The following PKHD1 variants were observed in gnomAD, a reference collection of about 807,000 sequenced individuals.
The protein encoded by PKHD1 is PKHD1 ciliary IPT domain containing fibrocystin/polyductin.
PKHD1 carries 291 observed loss-of-function variants against 412.0 expected under a neutral mutation model. The observed-to-expected ratio is 0.71, with a 90% confidence interval of 0.64 to 0.78. PKHD1 has a LOEUF of 0.78. PKHD1 is among the 30% of genes least tolerant of loss of function. The probability of loss-of-function intolerance (pLI) is 0.00; values close to 1 mark genes in which losing one functional copy is unlikely to be tolerated. For missense variants in PKHD1, 4,825 were observed against 4,950.7 expected (o/e 0.97, Z 0.76); for synonymous variants, 1,777 against 1,821.5 (o/e 0.98, Z 0.62).
At chr6:51,691,186 G>T (rs1411648501) in intron 60 of PKHD1, among the ~76,000 whole-genome samples, 1 of 151,652 alleles carries the variant, frequency 6.6e-6, no homozygotes, top group Non-Finnish European at 1.5e-5. Flanking sequence ...GAGAAAAAAG[G>T]AATGCTTATA....
chr6:51,934,097 T>A lies in PKHD1; in HGVS notation c.6121+13A>T. Reference sequence around the variant, plus strand: ...GCTCTACTTCATTTCCTCTGATCAATTGCCTCACTCACCGTGCAGAGAAAG... The same window carrying A: ...GCTCTACTTCATTTCCTCTGATCAAATGCCTCACTCACCGTGCAGAGAAAG... On this transcript the variant is annotated intron_variant, in intron 37 of 66. Transcript: ENST00000371117. 1.3e-6 allele frequency: 2 copies of A among 1,582,704 alleles called. No individual in the cohort carries two copies. The highest frequency in any genetic ancestry group is 1.7e-6 in the Non-Finnish European group (2 of 1,151,276).
intron 49 of PKHD1, among the ~76,000 whole-genome samples, chr6:51,851,883 G>GT (rs377590832): frequency 4.9e-4 from 75 of 151,962 alleles, no homozygotes; most frequent in African/African-American, 1.7e-3. Flanking sequence ...TTTTTGGAGG[G>GT]TTTTTTGTGT....
At chr6:51,994,125 ACT>A (rs1301686371) in intron 35 of PKHD1, among the ~76,000 whole-genome samples, 1 of 145,558 alleles carries the variant, frequency 6.9e-6, no homozygotes, top group Non-Finnish European at 1.5e-5. Flanking sequence ...ACTACAGAAC[ACT>A]TTTTTTCTTT....
intron 43 of PKHD1, among the ~76,000 whole-genome samples, chr6:51,892,968 C>A (rs1372399566): frequency 1.3e-5 from 2 of 152,192 alleles, no homozygotes; most frequent in Admixed American, 6.5e-5. Flanking sequence ...CACGATTACA[C>A]AACACAAACT....
At chr6:51,909,533 A>C in intron 39 of PKHD1, 59 bp from the exon 40 acceptor site, 6 of 1,312,038 alleles carry the variant, frequency 4.6e-6, no homozygotes, top group East Asian at 2.3e-5. Context: ...TTCCAGACAA[A>C]TCTCCCAGTT....
chr6:51,972,890 C>T (rs1398452695), intron 35 of PKHD1, among the ~76,000 whole-genome samples: 1 of 152,206 alleles, frequency 6.6e-6, no homozygotes, highest in African/African-American at 2.4e-5. Context: ...AACAGCAGTC[C>T]AGGCAAAAGA....
At chr6:51,737,996 T>C (rs1784072210) in intron 60 of PKHD1, among the ~76,000 whole-genome samples, 1 of 152,232 alleles carries the variant, frequency 6.6e-6, no homozygotes, top group African/African-American at 2.4e-5. Context: ...ATATACAAAC[T>C]ATAAGCCCCA....
chr6:52,005,221 G>A (rs935907690), intron 35 of PKHD1, among the ~76,000 whole-genome samples: 8 of 152,134 alleles, frequency 5.3e-5, no homozygotes, highest in Non-Finnish European at 1.5e-5. Flanking sequence ...ACCTAGCTGA[G>A]ATGCTTCTAC....
At chr6:51,971,529 G>C (rs1171527871) in intron 35 of PKHD1, among the ~76,000 whole-genome samples, 2 of 152,114 alleles carry the variant, frequency 1.3e-5, no homozygotes, top group Non-Finnish European at 2.9e-5. Context: ...CTTTTGCTCA[G>C]GAAGAATTAT....
intron 46 of PKHD1, among the ~76,000 whole-genome samples, chr6:51,880,960 C>T (rs1188043536): frequency 4.1e-5 from 6 of 146,186 alleles, no homozygotes; most frequent in East Asian, 4.0e-4. Context: ...AGCGAGACTC[C>T]GTCTCAAAAA....
chr6:52,065,294 T>C (rs532030243), intron 12 of PKHD1, among the ~76,000 whole-genome samples: 5 of 150,674 alleles, frequency 3.3e-5, no homozygotes, highest in African/African-American at 1.2e-4. Flanking sequence ...GTGGATGGAA[T>C]AGCGAAAGTT....
At chr6:51,693,645 A>C (rs184914686) in intron 60 of PKHD1, among the ~76,000 whole-genome samples, 1 of 152,310 alleles carries the variant, frequency 6.6e-6, no homozygotes, top group Admixed American at 6.5e-5. Flanking sequence ...AGCGGATGAG[A>C]TTGCCTCCAG....
chr6:51,888,558 C>T (rs1007700624), intron 43 of PKHD1, among the ~76,000 whole-genome samples: 1 of 151,668 alleles, frequency 6.6e-6, no homozygotes, highest in Non-Finnish European at 1.5e-5. Flanking sequence ...TTTCTGAGCC[C>T]AAATTCCTGT....
intron 57 of PKHD1, among the ~76,000 whole-genome samples, chr6:51,750,161 C>A (rs1022651254): frequency 2.0e-5 from 3 of 152,122 alleles, no homozygotes; most frequent in Non-Finnish European, 4.4e-5. Flanking sequence ...GGAACCTATA[C>A]GTCTACTTGG....
intron 35 of PKHD1, among the ~76,000 whole-genome samples, chr6:51,992,539 C>T (rs940554672): frequency 2.0e-5 from 3 of 152,204 alleles, no homozygotes. Context: ...TGGCATGGCT[C>T]TCCCAATTTC....
In PKHD1 at chr6:51,976,698, C is replaced by G. The variant is rs186996921; in HGVS notation, c.5752-16672G>C. Reference sequence around the variant, plus strand: ...GGCACGGTGGCTCACGCCTGTAATCCTAGTACTTTGGGAAGCCAAGGTGGG... The same window carrying G: ...GGCACGGTGGCTCACGCCTGTAATCGTAGTACTTTGGGAAGCCAAGGTGGG... On this transcript the variant is annotated intron_variant, in intron 35 of 66. Coordinates refer to ENST00000371117, the MANE Select transcript of PKHD1 (RefSeq NM_138694.4). Among the ~76,000 whole-genome samples, 387 of 152,238 alleles carry G rather than the reference C, an allele frequency of 2.5e-3. 1 individual carries two copies. Among genetic ancestry groups the G allele is most frequent in the African/African-American group, 9.0e-3 (375 of 41,528 alleles).
At chr6:51,936,475 T>C (rs1787497314) in intron 36 of PKHD1, among the ~76,000 whole-genome samples, 1 of 152,218 alleles carries the variant, frequency 6.6e-6, no homozygotes. Context: ...GTTATTGAGT[T>C]GAGTTTTTGT....
chr6:52,040,875 C>T (rs1250173215), intron 27 of PKHD1, among the ~76,000 whole-genome samples: 1 of 152,102 alleles, frequency 6.6e-6, no homozygotes, highest in Non-Finnish European at 1.5e-5. Context: ...CATCACTGCC[C>T]CAAGAACAGA....
chr6:51,684,556 G>A (rs1399705699), intron 60 of PKHD1, among the ~76,000 whole-genome samples: 1 of 152,102 alleles, frequency 6.6e-6, no homozygotes, highest in Non-Finnish European at 1.5e-5. Flanking sequence ...GAGGCTCCAA[G>A]GGGATCTATA....
Sources: gnomAD v4.1 joint callset for allele counts (sites outside exome capture counted in the v4.1 genomes callset) on GRCh38, gnomAD v4.1.1 for gene constraint, MANE v1.5 for transcripts, NCBI Gene and HGNC (gene_info 2026-07-23, HGNC 2026-07-21) for gene names.